The following AAGAB variants were observed in gnomAD, a reference collection of about 807,000 sequenced individuals.
AAGAB encodes the protein alpha and gamma adaptin binding protein, also known as alpha- and gamma-adaptin-binding protein p34.
A neutral mutation model predicts 44.1 loss-of-function variants in AAGAB; 38 were observed. That is an observed-to-expected ratio of 0.86 (90% confidence interval 0.67 to 1.13). The LOEUF (loss-of-function observed/expected upper bound fraction) is 1.13. Ranked by LOEUF, AAGAB falls within the 50% of genes most tolerant of loss-of-function variation. AAGAB has a pLI of 0.00. For synonymous variants in AAGAB, 131 were observed against 131.8 expected (o/e 0.99, Z 0.04); for missense variants, 450 against 373.8 (o/e 1.20, Z -1.68).
At chr15:67,230,683 G>A (rs1964314342) in intron 5 of AAGAB, among the ~76,000 whole-genome samples, 1 of 152,108 alleles carries the variant, frequency 6.6e-6, no homozygotes, top group Admixed American at 6.5e-5. Context: ...TGTTACCATA[G>A]CCCTAGGGAA....
At chr15:67,220,180 A>G (rs1964035932) in intron 5 of AAGAB, among the ~76,000 whole-genome samples, 1 of 152,234 alleles carries the variant, frequency 6.6e-6, no homozygotes, top group African/African-American at 2.4e-5. Context: ...CAGATGATCT[A>G]AATTATTTAA....
chr15:67,241,040 TACACACACACACAC>T (rs10525823), intron 1 of AAGAB, among the ~76,000 whole-genome samples: 2 of 147,074 alleles, frequency 1.4e-5, no homozygotes, highest in Admixed American at 6.7e-5. Context: ...TCTGTTCTCC[TACACACACACACAC>T]ACACACACAC....
chr15:67,251,081 C>A (rs1219129186), intron 1 of AAGAB, among the ~76,000 whole-genome samples: 1 of 152,080 alleles, frequency 6.6e-6, no homozygotes. Flanking sequence ...AGTAATGCCC[C>A]TTTTATCCGA....
intron 5 of AAGAB, among the ~76,000 whole-genome samples, chr15:67,211,726 T>A (rs1003251147): frequency 6.6e-6 from 1 of 152,194 alleles, no homozygotes; most frequent in Non-Finnish European, 1.5e-5. Flanking sequence ...CAAATTCAGT[T>A]CATAAATCTC....
chr15:67,223,152 C>T (rs141078774), intron 5 of AAGAB, among the ~76,000 whole-genome samples: 70 of 152,260 alleles, frequency 4.6e-4, no homozygotes, highest in African/African-American at 1.7e-3. Context: ...GTTGCAATGT[C>T]CCTGGGCTGA....
intron 7 of AAGAB, 51 bp from the exon 8 acceptor site, chr15:67,204,199 A>T: frequency 7.8e-7 from 1 of 1,277,638 alleles, no homozygotes; most frequent in Non-Finnish European, 1.1e-6. Flanking sequence ...CATATGTGCT[A>T]CACTCAGAGA....
At chr15:67,241,009 A>G (rs1283411156) in intron 1 of AAGAB, among the ~76,000 whole-genome samples, 1 of 149,814 alleles carries the variant, frequency 6.7e-6, no homozygotes, top group East Asian at 2.0e-4. Flanking sequence ...TTCAAGGTGA[A>G]TTCCCCAAAC....
At chr15:67,243,394 C>A (rs1223421157) in intron 1 of AAGAB, among the ~76,000 whole-genome samples, 1 of 152,162 alleles carries the variant, frequency 6.6e-6, no homozygotes, top group South Asian at 2.1e-4. Flanking sequence ...AGGGGTAGGG[C>A]ACTTCTCTGA....
chr15:67,206,352 G>A (rs1005858933), intron 7 of AAGAB, among the ~76,000 whole-genome samples: 1 of 152,182 alleles, frequency 6.6e-6, no homozygotes, highest in Non-Finnish European at 1.5e-5. Context: ...GCTGGCATCT[G>A]ATGAGTTTCT....
Position 67,236,042 on chromosome 15 carries a change from ATTC to A in AAGAB, c.385_387del (p.Glu129del), listed in dbSNP as rs770382740. On this transcript the variant is annotated inframe_deletion, in exon 4 of 10. Transcript: ENST00000261880. Reference sequence around the variant, plus strand: ...AATTCAAAGCCATGTTTGATGCACCATTCTTGAGCTTTTTGTCGGTTTATACCT... The same window carrying A: ...AATTCAAAGCCATGTTTGATGCACCATTGAGCTTTTTGTCGGTTTATACCT... The A allele has an allele frequency of 1.2e-6, 2 of 1,613,192 alleles. No individual in the cohort carries two copies.
chr15:67,206,675 T>C (rs1963692373), intron 7 of AAGAB, among the ~76,000 whole-genome samples: 1 of 152,230 alleles, frequency 6.6e-6, no homozygotes, highest in African/African-American at 2.4e-5. Context: ...TAATCTACTT[T>C]GCTGGTCAAA....
chr15:67,221,932 T>C (rs1475170687), intron 5 of AAGAB, among the ~76,000 whole-genome samples: 1 of 152,128 alleles, frequency 6.6e-6, no homozygotes, highest in Non-Finnish European at 1.5e-5. Context: ...GACCTTATTA[T>C]TACCAATAAC....
chr15:67,246,309 T>G (rs1964719961), intron 1 of AAGAB, among the ~76,000 whole-genome samples: 1 of 151,700 alleles, frequency 6.6e-6, no homozygotes, highest in African/African-American at 2.4e-5. Context: ...GGAGAATCAC[T>G]TGAGCCCGGG....
At chr15:67,230,043 G>A (rs1447848399) in intron 5 of AAGAB, among the ~76,000 whole-genome samples, 2 of 151,630 alleles carry the variant, frequency 1.3e-5, no homozygotes, top group Non-Finnish European at 2.9e-5. Flanking sequence ...TAGCAGAGAC[G>A]GGGTAGCACA....
chr15:67,235,690 GA>G (rs1185512556), intron 4 of AAGAB, among the ~76,000 whole-genome samples: 2 of 152,040 alleles, frequency 1.3e-5, no homozygotes, highest in Non-Finnish European at 2.9e-5. Context: ...CAGCAGTAGG[GA>G]AAGGAAAAAG....
intron 3 of AAGAB, 74 bp downstream of exon 3, chr15:67,236,334 A>C (rs1830344808): frequency 7.2e-7 from 1 of 1,383,822 alleles, no homozygotes; most frequent in African/African-American, 1.4e-5. Flanking sequence ...CCTAAGTTAA[A>C]GAAACAGATG....
chr15:67,242,180 T>G (rs1596012690), intron 1 of AAGAB, among the ~76,000 whole-genome samples: 1 of 94,496 alleles, frequency 1.1e-5, no homozygotes, highest in South Asian at 4.2e-4. Flanking sequence ...TCCCAGCACT[T>G]TGGGAGGCCG....
chr15:67,219,097 C>T (rs897005850), intron 5 of AAGAB, among the ~76,000 whole-genome samples: 1 of 152,142 alleles, frequency 6.6e-6, no homozygotes, highest in African/African-American at 2.4e-5. Context: ...GGAATTTCCT[C>T]TAGGGTAGAG....
intron 1 of AAGAB, 38 bp downstream of exon 1, chr15:67,254,521 G>A: frequency 1.3e-6 from 2 of 1,570,446 alleles, no homozygotes; most frequent in Non-Finnish European, 1.7e-6. Flanking sequence ...CTGAGGCTCA[G>A]GGGCCTTGGA....
Sources: gnomAD v4.1 joint callset for allele counts (sites outside exome capture counted in the v4.1 genomes callset) on GRCh38, gnomAD v4.1.1 for gene constraint, MANE v1.5 for transcripts, NCBI Gene and HGNC (gene_info 2026-07-23, HGNC 2026-07-21) for gene names.